TMEM170A: variants seen among roughly 807,000 people sequenced by gnomAD.
TMEM170A encodes the protein transmembrane protein 170A, also known as transmembrane protein 170.
A neutral mutation model predicts 12.8 loss-of-function variants in TMEM170A; 18 were observed. The ratio of observed to expected loss-of-function variants is 1.41; its 90% CI spans 0.97 to 2.09. The LOEUF is 2.09. Ranked by LOEUF, TMEM170A falls within the 30% of genes most tolerant of loss-of-function variation. The pLI, the probability that TMEM170A is intolerant of heterozygous loss-of-function variation, is 0.00. For missense variants in TMEM170A, 220 were observed against 179.9 expected (o/e 1.22, Z -1.28); for synonymous variants, 107 against 76.2 (o/e 1.40, Z -2.11).
At chr16:75,451,086 T>C (rs1190318831) in intron 2 of TMEM170A, among the ~76,000 whole-genome samples, 1 of 152,132 alleles carries the variant, frequency 6.6e-6, no homozygotes, top group African/African-American at 2.4e-5. Context: ...AGAGGAGAAG[T>C]AGCTTCCAAA....
At chr16:75,462,512 A>G (rs1051248900) in intron 1 of TMEM170A, among the ~76,000 whole-genome samples, 10 of 152,242 alleles carry the variant, frequency 6.6e-5, no homozygotes, top group African/African-American at 2.4e-4. Context: ...CCAGGCTGAC[A>G]TTCAGTGTCT....
chr16:75,453,935 A>C (rs1597444256), intron 1 of TMEM170A, among the ~76,000 whole-genome samples: 1 of 152,366 alleles, frequency 6.6e-6, no homozygotes, highest in African/African-American at 2.4e-5. Flanking sequence ...ATTTCCCCCC[A>C]GTGAACCCAA....
chr16:75,457,726 A>G (rs2079824901), intron 1 of TMEM170A, among the ~76,000 whole-genome samples: 1 of 152,148 alleles, frequency 6.6e-6, no homozygotes, highest in Admixed American at 6.6e-5. Context: ...CAAAAAGCTT[A>G]AAGGCCAATT....
chr16:75,449,603 G>A (rs1411477910), intron 2 of TMEM170A, among the ~76,000 whole-genome samples: 1 of 152,154 alleles, frequency 6.6e-6, no homozygotes, highest in African/African-American at 2.4e-5. Flanking sequence ...ACAGGCATAA[G>A]CCACCATGCC....
intron 2 of TMEM170A, 29 bp from the exon 3 acceptor site, chr16:75,447,717 A>G (rs747108737): frequency 1.3e-6 from 2 of 1,567,402 alleles, no homozygotes; most frequent in Non-Finnish European, 1.7e-6. Context: ...ATGTTAAACA[A>G]AAACAAAAAA....
intron 1 of TMEM170A, among the ~76,000 whole-genome samples, chr16:75,463,035 T>G (rs1275512806): frequency 6.6e-6 from 1 of 152,138 alleles, no homozygotes; most frequent in African/African-American, 2.4e-5. Context: ...ATGTAATACA[T>G]GTGGTTATAT....
chr16:75,448,765 A>G (rs2079630339), intron 2 of TMEM170A, among the ~76,000 whole-genome samples: 1 of 149,054 alleles, frequency 6.7e-6, no homozygotes, highest in Admixed American at 6.7e-5. Flanking sequence ...TCCTGTCTCA[A>G]AAAAAAAAAG....
rs771209136 is a variant in TMEM170A, at chr16:75,464,445, C to G, written c.133+23G>C. Reference sequence around the variant, plus strand: ...AGCGGCGACGGCGGGGCGCGCAGTGCGCAGGCGCGGGGCGGGCCGTACCTG... The same window carrying G: ...AGCGGCGACGGCGGGGCGCGCAGTGGGCAGGCGCGGGGCGGGCCGTACCTG... On this transcript the variant is annotated intron_variant, in intron 1 of 2. Transcript: ENST00000561878. 24 of 1,439,292 alleles carry G rather than the reference C, an allele frequency of 1.7e-5. No individual in the cohort carries two copies. In the East Asian group the frequency reaches 7.2e-4, roughly 43 times the overall value. The allele number at this position is 1,439,292 out of a possible 1,614,324, so 89.2% of individuals were successfully genotyped here. A position where few individuals can be genotyped will look rare whatever the true frequency, so the allele number is the denominator to read the frequency against.
intron 1 of TMEM170A, among the ~76,000 whole-genome samples, chr16:75,460,556 G>C (rs545086214): frequency 6.6e-6 from 1 of 152,110 alleles, no homozygotes; most frequent in African/African-American, 2.4e-5. Flanking sequence ...ACTTTCTTCA[G>C]ATTTTGACTC....
In TMEM170A at chr16:75,446,333, CAA is replaced by C. The variant is rs1443251689; in HGVS notation, c.*1223_*1224del. The stretch of plus-strand genomic sequence containing the variant: ...TTAATTTCTGCGATTCTTTCCCTCT[CAA>C]AGAGTCACAGTTTTCAGGCCTTTTA... On this transcript the variant is annotated 3_prime_UTR_variant, in exon 3 of 3. Transcript: ENST00000561878. 2 of 152,076 alleles carry C rather than the reference CAA, an allele frequency of 1.3e-5. No individual in the cohort carries two copies. Among genetic ancestry groups the C allele is most frequent in the Non-Finnish European group, 2.9e-5 (2 of 68,030 alleles). 9.4% of individuals were successfully genotyped at this position (152,076 alleles called of 1,614,324 possible). A position where few individuals can be genotyped will look rare whatever the true frequency, so the allele number is the denominator to read the frequency against.
At position 75,447,524 on chromosome 16, in the gene TMEM170A, G is replaced by GT; in HGVS notation, c.*33dup. ...GTATTCTTTTGGAGGATTCCATAAA[G>GT]TTTAAGTTCAACATCTCAGCATAAG... On this transcript the variant is annotated 3_prime_UTR_variant, in exon 3 of 3. Coordinates refer to ENST00000561878, the MANE Select transcript of TMEM170A (RefSeq NM_145254.3). 6.3e-7 allele frequency: 1 copy of GT among 1,580,990 alleles called. No homozygotes were observed. Among genetic ancestry groups the GT allele is most frequent in the East Asian group, 2.3e-5 (1 of 43,896 alleles).
chr16:75,449,278 A>T (rs889957040), intron 2 of TMEM170A, among the ~76,000 whole-genome samples: 3 of 152,098 alleles, frequency 2.0e-5, no homozygotes, highest in African/African-American at 7.2e-5. Flanking sequence ...CACAAGACAG[A>T]AACAGATTTG....
intron 1 of TMEM170A, 92 bp from the exon 2 acceptor site, chr16:75,451,931 C>T: frequency 8.7e-7 from 1 of 1,147,926 alleles, no homozygotes; most frequent in Non-Finnish European, 1.2e-6. Flanking sequence ...ATTTCATTTT[C>T]AACACCGTTT....
intron 1 of TMEM170A, 98 bp from the exon 2 acceptor site, chr16:75,451,937 C>T (rs185929630): frequency 3.5e-5 from 39 of 1,123,606 alleles, no homozygotes; most frequent in African/African-American, 1.4e-4. Flanking sequence ...TTTTCAACAC[C>T]GTTTCTTTTT....
rs754300872 is a variant in TMEM170A at position 75,451,742 on chromosome 16, T to A, written c.231A>T (p.Lys77Asn). The change falls in exon 2 of 3, where the codon AAA (lysine) becomes AAT (asparagine). Residue 77 changes from lysine (K) to asparagine (N), a missense_variant. By Grantham distance (94) the Lys-to-Asn change is moderately conservative. Coordinates refer to ENST00000561878, the MANE Select transcript of TMEM170A (RefSeq NM_145254.3). The part of the protein sequence containing the change: ...LLALFTLRHH[K>N]YGRFMSVSIL... ...TGCTTACAGACATGAACCTACCATA[T>A]TTGTGATGTCTGAGGGTGAAGAGGG... is the stretch of plus-strand genomic sequence containing the variant. 6.2e-7 allele frequency: 1 copy of A among 1,614,132 alleles called. No individual in the cohort carries two copies. The highest frequency in any genetic ancestry group is 8.5e-7 in the Non-Finnish European group (1 of 1,180,030).
chr16:75,455,756 G>T (rs1382938515), intron 1 of TMEM170A, among the ~76,000 whole-genome samples: 1 of 152,160 alleles, frequency 6.6e-6, no homozygotes, highest in African/African-American at 2.4e-5. Context: ...AATGAGCCGA[G>T]GGCAAGAGAG....
At chr16:75,455,124 G>A (rs971754029) in intron 1 of TMEM170A, among the ~76,000 whole-genome samples, 1 of 152,188 alleles carries the variant, frequency 6.6e-6, no homozygotes, top group Non-Finnish European at 1.5e-5. Context: ...CTGGGAGGCT[G>A]AGGCAGGCAG....
rs1381176675 is a variant in TMEM170A, at chr16:75,452,414, T to A, written c.134-575A>T. Among the ~76,000 whole-genome samples the A allele has an allele frequency of 5.3e-5, 8 of 152,190 alleles. No homozygotes were observed. The East Asian group carries it at 1.2e-3, about 22-fold the overall frequency. On this transcript the variant is annotated intron_variant, in intron 1 of 2. Coordinates refer to ENST00000561878, the MANE Select transcript of TMEM170A (RefSeq NM_145254.3). Reference sequence around the variant, plus strand: ...TCCGGAGTGGCTGGAACTACAGATGTGTGCTACCACGCCTGGCAAAATTCT... The same window carrying A: ...TCCGGAGTGGCTGGAACTACAGATGAGTGCTACCACGCCTGGCAAAATTCT...
chr16:75,450,767 T>C (rs1234783476), intron 2 of TMEM170A, among the ~76,000 whole-genome samples: 1 of 152,120 alleles, frequency 6.6e-6, no homozygotes, highest in Non-Finnish European at 1.5e-5. Context: ...CCAGCAATCC[T>C]CCCATTTCAG....
Sources: gnomAD v4.1 joint callset for allele counts (sites outside exome capture counted in the v4.1 genomes callset) on GRCh38, gnomAD v4.1.1 for gene constraint, MANE v1.5 for transcripts, NCBI Gene and HGNC (gene_info 2026-07-23, HGNC 2026-07-21) for gene names.